The following TENM4 variants were observed in gnomAD, a reference collection of about 807,000 sequenced individuals.
The protein encoded by TENM4 is teneurin transmembrane protein 4.
TENM4 carries 82 observed loss-of-function variants against 243.3 expected under a neutral mutation model. The observed-to-expected ratio is 0.34, with a 90% CI of 0.28 to 0.40. TENM4 has a LOEUF of 0.40. TENM4 is among the 10% of genes least tolerant of loss of function. TENM4 has a pLI of 1.00. For synonymous variants in TENM4, 1,412 were observed against 1,456.3 expected, an observed-to-expected ratio of 0.97 and a Z score of 0.69; for missense variants, 3,138 against 3,673.3, an observed-to-expected ratio of 0.85 and a Z score of 3.77.
intron 2 of TENM4, among the ~76,000 whole-genome samples, chr11:79,293,168 G>C (rs963414450): frequency 3.1e-4 from 47 of 152,254 alleles, no homozygotes; most frequent in African/African-American, 1.0e-3. Flanking sequence ...AATCTTTCTA[G>C]TCTAAATATG....
At chr11:79,388,278 C>T (rs1361126967) in intron 1 of TENM4, among the ~76,000 whole-genome samples, 1 of 152,144 alleles carries the variant, frequency 6.6e-6, no homozygotes, top group African/African-American at 2.4e-5. Flanking sequence ...ATGCTGCATG[C>T]CAATATAGCA....
intron 1 of TENM4, among the ~76,000 whole-genome samples, chr11:79,403,814 A>C: frequency 6.7e-6 from 1 of 149,978 alleles, no homozygotes; most frequent in African/African-American, 2.4e-5. Flanking sequence ...CGGGGGGTTG[A>C]GGGGGGTGGT....
Position 78,726,006 on chromosome 11 carries a change from T to C in TENM4, c.3550+73A>G. 3.2e-6 allele frequency: 5 copies of C among 1,567,688 alleles called. No individual in the cohort carries two copies. The South Asian group carries it at 6.0e-5, about 19-fold the overall frequency. On this transcript the variant is annotated intron_variant, in intron 23 of 33. Coordinates refer to ENST00000278550, the MANE Select transcript of TENM4 (RefSeq NM_001098816.3). ...GGGATTCAAAATGTGAATTTTTTGT[T>C]TGGCAGGGCACAAGGGATATGAGAC...
At chr11:78,715,482 TG>T (rs1324087780) in intron 25 of TENM4, among the ~76,000 whole-genome samples, 2 of 152,128 alleles carry the variant, frequency 1.3e-5, no homozygotes, top group African/African-American at 4.8e-5. Flanking sequence ...TCCAGAGAAG[TG>T]TCACTCATGT....
Position 78,654,485 on chromosome 11 carries a change from T to C in TENM4, c.*3573A>G, listed in dbSNP as rs575324595. ...ACTTTAAAGTTGCAGCTGCGAAGAT[T>C]TGTTTTTCTTCTTTTTTCAAATTCT... is the stretch of plus-strand genomic sequence containing the variant. On this transcript the variant is annotated 3_prime_UTR_variant, in exon 34 of 34. Coordinates refer to ENST00000278550, the MANE Select transcript of TENM4 (RefSeq NM_001098816.3). 6.6e-6 allele frequency: 1 copy of C among 152,246 alleles called. No homozygotes were observed. Among genetic ancestry groups the C allele is most frequent in the South Asian group, 2.1e-4 (1 of 4,810 alleles). The allele number at this position is 152,246 out of a possible 1,614,324, so 9.4% of individuals were successfully genotyped here.
At chr11:78,883,704 T>A (rs1166060797) in intron 9 of TENM4, among the ~76,000 whole-genome samples, 2 of 152,264 alleles carry the variant, frequency 1.3e-5, no homozygotes, top group Non-Finnish European at 2.9e-5. Flanking sequence ...TACATACACA[T>A]TCAGAACACA....
intron 2 of TENM4, among the ~76,000 whole-genome samples, chr11:79,288,277 C>G (rs1396577776): frequency 6.6e-6 from 1 of 152,208 alleles, no homozygotes; most frequent in Non-Finnish European, 1.5e-5. Context: ...CCCAAAGTCT[C>G]CTTACCACTG....
At position 78,672,015 on chromosome 11, in the gene TENM4, A is replaced by G; in HGVS notation, c.5793+18T>C. 6.2e-7 allele frequency: 1 copy of G among 1,604,046 alleles called. No homozygotes were observed. The highest frequency in any genetic ancestry group is 1.1e-5 in the South Asian group (1 of 89,156). On this transcript the variant is annotated intron_variant, in intron 31 of 33. Transcript: ENST00000278550. ...TTCTGTATGGCAAGGCCAGTGATGC[A>G]GGGAGACAGACACCTGCCTTCTCTA... is the stretch of plus-strand genomic sequence containing the variant.
chr11:79,413,367 T>C (rs1283064695), intron 1 of TENM4, among the ~76,000 whole-genome samples: 2 of 146,604 alleles, frequency 1.4e-5, no homozygotes, highest in Non-Finnish European at 3.0e-5. Flanking sequence ...TTTCAGCTCC[T>C]TGGACTCCAT....
chr11:79,163,986 AG>A (rs1177451778), intron 3 of TENM4, among the ~76,000 whole-genome samples: 1 of 123,758 alleles, frequency 8.1e-6, no homozygotes, highest in Non-Finnish European at 1.6e-5. Flanking sequence ...GTGTATATAT[AG>A]TGTATATATA....
intron 1 of TENM4, among the ~76,000 whole-genome samples, chr11:79,386,938 G>A (rs1858127284): frequency 6.6e-6 from 1 of 152,120 alleles, no homozygotes; most frequent in Non-Finnish European, 1.5e-5. Context: ...AGTACCAAAA[G>A]ACATGCATAA....
rs568523693 is a variant in TENM4 at position 79,230,124 on chromosome 11, C to A, written c.-264-14215G>T. ...AGACTATGAACTTCTCGAGGAAGGA[C>A]CAGATATAGATCCTGTTTAATGAAG... On this transcript the variant is annotated intron_variant, in intron 2 of 33. Transcript: ENST00000278550. Among the ~76,000 whole-genome samples, 5 of 151,804 alleles carry A rather than the reference C, an allele frequency of 3.3e-5. No homozygotes were observed. The South Asian group carries it at 1.0e-3, about 32-fold the overall frequency.
At chr11:78,754,611 G>A (rs191451725) in intron 19 of TENM4, among the ~76,000 whole-genome samples, 1 of 152,078 alleles carries the variant, frequency 6.6e-6, no homozygotes, top group East Asian at 1.9e-4. Flanking sequence ...TATCTCTAGT[G>A]GATTAAAAAA....
chr11:79,426,926 A>T (rs1459440204), intron 1 of TENM4, among the ~76,000 whole-genome samples: 3 of 152,204 alleles, frequency 2.0e-5, no homozygotes, highest in Non-Finnish European at 1.5e-5. Flanking sequence ...AAAACTGCAG[A>T]TACCTTCACA....
intron 3 of TENM4, among the ~76,000 whole-genome samples, chr11:79,199,548 G>A (rs761716113): frequency 1.3e-5 from 2 of 152,114 alleles, no homozygotes; most frequent in Non-Finnish European, 2.9e-5. Context: ...GAGGATATGG[G>A]ACTTTTTGGA....
intron 1 of TENM4, among the ~76,000 whole-genome samples, chr11:79,350,498 CA>C (rs1215149610): frequency 6.6e-6 from 1 of 150,782 alleles, no homozygotes; most frequent in Non-Finnish European, 1.5e-5. Context: ...GGCACAATCA[CA>C]GCTCACTGCA....
intron 9 of TENM4, among the ~76,000 whole-genome samples, chr11:78,887,879 C>T (rs764249866): frequency 5.9e-5 from 9 of 152,242 alleles, no homozygotes; most frequent in Non-Finnish European, 1.0e-4. Flanking sequence ...CAACGCAAAA[C>T]AAATGGATGT....
Position 78,669,691 on chromosome 11 carries a change from G to C in TENM4, c.6654C>G (p.Asp2218Glu). 1.2e-6 allele frequency: 2 copies of C among 1,614,000 alleles called. No homozygotes were observed. The highest frequency in any genetic ancestry group is 1.7e-6 in the Non-Finnish European group (2 of 1,179,894). ...NDKPLWRYSY[D>E]LNGNLHLLSP... Reference sequence around the variant, plus strand: ...TCAGTAAGTGCAGGTTCCCATTGAGGTCGTAGCTGTAGCGCCAGAGTGGCT... The same window carrying C: ...TCAGTAAGTGCAGGTTCCCATTGAGCTCGTAGCTGTAGCGCCAGAGTGGCT... Residue 2218 changes from aspartate (D) to glutamate (E), a missense_variant, in exon 32 of 34, where the codon GAC becomes GAG. Physicochemically the swap from Asp to Glu is conservative, Grantham distance 45. This residue lies in a region of TENM4 where 2,467 missense variants were observed against 3,059.1 expected (regional missense o/e 0.81). Coordinates refer to ENST00000278550, the MANE Select transcript of TENM4 (RefSeq NM_001098816.3). This position sits in a 1 kb window ranked among gnomAD's most constrained non-coding sequence, Gnocchi z 6.4.
At chr11:79,374,376 G>A (rs1857848317) in intron 1 of TENM4, among the ~76,000 whole-genome samples, 1 of 151,930 alleles carries the variant, frequency 6.6e-6, no homozygotes, top group Admixed American at 6.6e-5. Context: ...CCCACACATC[G>A]ACATAGAAAC....
Sources: gnomAD v4.1 joint callset for allele counts (sites outside exome capture counted in the v4.1 genomes callset) on GRCh38, gnomAD v4.1.1 for gene constraint, gnomAD v4.1.1 regional missense constraint, Gnocchi (gnomAD v3.1) non-coding constraint, MANE v1.5 for transcripts, NCBI Gene and HGNC (gene_info 2026-07-23, HGNC 2026-07-21) for gene names.